The following DNER variants were observed in gnomAD, a reference collection of about 807,000 sequenced individuals.
DNER encodes the protein delta and Notch-like epidermal growth factor-related receptor.
In DNER, 33 loss-of-function variants were observed where a neutral mutation model predicts 78.2. The observed-to-expected ratio is 0.42, with a 90% confidence interval of 0.32 to 0.56. The LOEUF (loss-of-function observed/expected upper bound fraction) is 0.56, where lower values mean the gene tolerates loss of function less well. Ranked by LOEUF, DNER falls within the 20% of genes least tolerant of loss-of-function variation. The pLI is 0.11. For synonymous variants in DNER, 417 were observed against 384.8 expected, an observed-to-expected ratio of 1.08 and a Z score of -0.98; for missense variants, 918 against 975.3, an observed-to-expected ratio of 0.94 and a Z score of 0.78.
chr2:229,586,165 C>T (rs1574914713), intron 3 of DNER, 141 bp from the exon 4 acceptor site: 4 of 1,023,704 alleles, frequency 3.9e-6, no homozygotes, highest in Non-Finnish European at 5.5e-6. Context: ...AACAGATACG[C>T]GGGCGTCCAC....
chr2:229,501,377 T>C (rs1695618678), intron 6 of DNER, among the ~76,000 whole-genome samples: 1 of 151,712 alleles, frequency 6.6e-6, no homozygotes, highest in South Asian at 2.1e-4. Context: ...TGTTTATCAC[T>C]TAACCAACTC....
intron 1 of DNER, among the ~76,000 whole-genome samples, chr2:229,688,603 C>T (rs1036821329): frequency 1.3e-5 from 2 of 152,114 alleles, no homozygotes; most frequent in Admixed American, 6.5e-5. Flanking sequence ...TCATGAAATA[C>T]CACGTTTCTA....
chr2:229,505,724 T>C lies in DNER; in HGVS notation c.1147+7059A>G, dbSNP rs1177230375. Among the ~76,000 whole-genome samples, 3 of 152,336 alleles carry C rather than the reference T, an allele frequency of 2.0e-5. No homozygotes were observed. In the East Asian group the frequency reaches 5.8e-4, roughly 29 times the overall value. ...CATGGAAAACTAACTCTAAGCAAAT[T>C]ATACACGTTTCAAGAACCTCAGAAA... is the stretch of plus-strand genomic sequence containing the variant. On this transcript the variant is annotated intron_variant, in intron 6 of 12. Transcript: ENST00000341772.
At chr2:229,554,489 C>T (rs780174581) in intron 4 of DNER, among the ~76,000 whole-genome samples, 5 of 152,070 alleles carry the variant, frequency 3.3e-5, no homozygotes, top group Non-Finnish European at 7.4e-5. Context: ...GGCAGGAGTC[C>T]GAGACCAGCC....
intron 4 of DNER, chr2:229,580,312 T>C (rs13429440): frequency 0.086 from 13,086 of 152,240 alleles, 1,097 homozygotes; most frequent in African/African-American, 0.21. Flanking sequence ...AGCCATGGGT[T>C]GTACCATTCA....
chr2:229,567,182 C>A (rs1173751560), intron 4 of DNER, among the ~76,000 whole-genome samples: 1 of 152,240 alleles, frequency 6.6e-6, no homozygotes, highest in Non-Finnish European at 1.5e-5. Flanking sequence ...AGGTAGTAAA[C>A]CCTCCTCCAC....
intron 1 of DNER, among the ~76,000 whole-genome samples, chr2:229,619,661 G>A (rs1203984448): frequency 6.6e-6 from 1 of 152,112 alleles, no homozygotes; most frequent in Non-Finnish European, 1.5e-5. Context: ...AGTGTACTGA[G>A]GGACCATTTC....
intron 5 of DNER, among the ~76,000 whole-genome samples, chr2:229,518,561 T>C (rs1303337916): frequency 6.6e-6 from 1 of 152,228 alleles, no homozygotes; most frequent in African/African-American, 2.4e-5. Flanking sequence ...ACCAATGTCT[T>C]TGAAGAATTG....
Position 229,585,957 on chromosome 2 carries a change from A to G in DNER, c.748T>C (p.Cys250Arg), listed in dbSNP as rs751453974. 1 of 1,614,182 alleles carries G rather than the reference A, an allele frequency of 6.2e-7. No homozygotes were observed. Among genetic ancestry groups the G allele is most frequent in the Non-Finnish European group, 8.5e-7 (1 of 1,180,020 alleles). ...ACACTTCGTCCATCTATGAGGGAGC[A>G]CTGTTGGAATCCTGTGGCCGTGACC... is the stretch of plus-strand genomic sequence containing the variant. The part of the protein sequence containing the change: ...WKVTATGFQQ[C>R]SLIDGRSVTP... The change falls in exon 4 of 13, where the codon TGC becomes CGC. Residue 250 changes from cysteine (C) to arginine (R), a missense_variant. By Grantham distance (180) the Cys-to-Arg change is radical (BLOSUM62 -3). Transcript: ENST00000341772.
At chr2:229,604,905 A>T (rs58343274) in intron 1 of DNER, among the ~76,000 whole-genome samples, 8,981 of 152,216 alleles carry the variant, frequency 0.059, 865 homozygotes, top group African/African-American at 0.2. Context: ...GCAAAAGAGC[A>T]GGTGGCCCTA....
intron 1 of DNER, among the ~76,000 whole-genome samples, chr2:229,612,827 G>C (rs371970426): frequency 2.0e-5 from 3 of 152,158 alleles, no homozygotes; most frequent in African/African-American, 7.2e-5. Context: ...CTACACACAC[G>C]GGGAGAGAGA....
At chr2:229,365,811 C>G (rs1167313611) in intron 12 of DNER, among the ~76,000 whole-genome samples, 1 of 152,196 alleles carries the variant, frequency 6.6e-6, no homozygotes, top group Non-Finnish European at 1.5e-5. Context: ...TTCCCTTGAG[C>G]CCCAATCTTA....
At chr2:229,569,090 TGC>T (rs1370379560) in intron 4 of DNER, among the ~76,000 whole-genome samples, 3 of 152,154 alleles carry the variant, frequency 2.0e-5, no homozygotes, top group Non-Finnish European at 2.9e-5. Context: ...TGTATGTGTG[TGC>T]CTATGGATGG....
chr2:229,432,490 G>A (rs775946713), intron 8 of DNER, among the ~76,000 whole-genome samples: 68 of 151,944 alleles, frequency 4.5e-4, no homozygotes, highest in Non-Finnish European at 9.1e-4. Flanking sequence ...AATTTTAAAC[G>A]GTATAAAAGT....
intron 4 of DNER, among the ~76,000 whole-genome samples, chr2:229,555,119 T>C (rs981433896): frequency 6.6e-6 from 1 of 152,084 alleles, no homozygotes; most frequent in Non-Finnish European, 1.5e-5. Context: ...AGGAGACAAA[T>C]ATCTCTTGGT....
intron 1 of DNER, among the ~76,000 whole-genome samples, chr2:229,608,349 G>A (rs545593061): frequency 6.6e-6 from 1 of 152,294 alleles, no homozygotes; most frequent in South Asian, 2.1e-4. Flanking sequence ...TTGAGTAGTT[G>A]CAACAGACAT....
intron 5 of DNER, among the ~76,000 whole-genome samples, chr2:229,535,205 C>T (rs1479172396): frequency 6.6e-6 from 1 of 152,194 alleles, no homozygotes; most frequent in African/African-American, 2.4e-5. Context: ...TCGACAAAAG[C>T]TCTTTGGGGT....
intron 5 of DNER, among the ~76,000 whole-genome samples, chr2:229,535,037 T>C (rs1335036637): frequency 2.0e-5 from 3 of 152,122 alleles, no homozygotes; most frequent in African/African-American, 4.8e-5. Context: ...GGTTTCACCA[T>C]GTTGGCCAGG....
At chr2:229,451,017 C>T (rs1694444810) in intron 7 of DNER, among the ~76,000 whole-genome samples, 1 of 152,158 alleles carries the variant, frequency 6.6e-6, no homozygotes. Flanking sequence ...CCCCTTTCTC[C>T]CATCGTCCAC....
Sources: gnomAD v4.1 joint callset for allele counts (sites outside exome capture counted in the v4.1 genomes callset) on GRCh38, gnomAD v4.1.1 for gene constraint, MANE v1.5 for transcripts, NCBI Gene and HGNC (gene_info 2026-07-23, HGNC 2026-07-21) for gene names.